Variants in PLCB3 observed in about 807,000 individuals in gnomAD.
PLCB3 encodes phospholipase C beta 3.
PLCB3 carries 54 observed loss-of-function variants against 152.1 expected under a neutral mutation model. The ratio of observed to expected loss-of-function variants is 0.36; its 90% CI spans 0.29 to 0.45. The LOEUF (loss-of-function observed/expected upper bound fraction) is 0.45, where lower values mean the gene tolerates loss of function less well. Ranked by LOEUF, PLCB3 falls within the 20% of genes least tolerant of loss-of-function variation. The pLI, the probability that PLCB3 is intolerant of heterozygous loss-of-function variation, is 1.00. For missense variants in PLCB3, 1,248 were observed against 1,687.5 expected (o/e 0.74, Z 4.56); for synonymous variants, 717 against 698.7 (o/e 1.03, Z -0.41).
rs1481967623 is a variant in PLCB3, at chr11:64,267,866, A to G, written c.*310A>G. 8.0e-6 allele frequency: 3 copies of G among 372,950 alleles called. No homozygotes were observed. Among genetic ancestry groups the G allele is most frequent in the Non-Finnish European group, 1.4e-5 (3 of 207,620 alleles). The allele number at this position is 372,950 out of a possible 1,614,324, so 23.1% of individuals were successfully genotyped here. The stretch of plus-strand genomic sequence containing the variant: ...TGGAGCTCCGGGAAGTAGGAGTCAC[A>G]TTTTTTTCTCTATTCTTTGGGGATT... On this transcript the variant is annotated 3_prime_UTR_variant, in exon 31 of 31. Coordinates refer to ENST00000279230, the MANE Select transcript of PLCB3 (RefSeq NM_000932.5). This position sits in a 1 kb window ranked among gnomAD's most constrained non-coding sequence, Gnocchi z 5.2.
chr11:64,255,652 C>A lies in PLCB3; in HGVS notation c.597+36C>A. ...TGGGGACAGGGGCGGGGTGGGGTGTCACGGTGGGCACCCACCCTTACGGGG... is the reference window on the plus strand; with the variant it reads ...TGGGGACAGGGGCGGGGTGGGGTGTAACGGTGGGCACCCACCCTTACGGGG... On this transcript the variant is annotated intron_variant, in intron 7 of 30. Transcript: ENST00000279230. The surrounding 1 kb of genome is among the most constrained non-coding windows in gnomAD (Gnocchi z 6.8). 1.2e-6 allele frequency: 2 copies of A among 1,603,624 alleles called. No individual in the cohort carries two copies. The highest frequency in any genetic ancestry group is 1.7e-6 in the Non-Finnish European group (2 of 1,173,108).
intron 21 of PLCB3, 57 bp from the exon 22 acceptor site, chr11:64,263,964 G>A: frequency 7.3e-7 from 1 of 1,364,422 alleles, no homozygotes; most frequent in Non-Finnish European, 1.0e-6. Flanking sequence ...AGAGGTGGCG[G>A]GTGGGGGTGG....
Position 64,265,192 on chromosome 11 carries a change from G to A in PLCB3, c.2807G>A (p.Gly936Glu). The change falls in exon 24 of 31, where the codon GGG (glycine) becomes GAG (glutamate). Residue 936 changes from glycine to glutamate, a missense_variant and splice_region_variant. Coordinates refer to ENST00000279230, the MANE Select transcript of PLCB3 (RefSeq NM_000932.5). ...TCCTCACAGGGCCTCTGCTCCCCAG[G>A]GCAGCGTGATGATCTCATCGCCAGC... is the stretch of plus-strand genomic sequence containing the variant. ...SPASTSLSSP[G>E]QRDDLIASIL... 1 of 1,596,212 alleles carries A rather than the reference G, an allele frequency of 6.3e-7. No individual in the cohort carries two copies. The highest frequency in any genetic ancestry group is 2.3e-5 in the East Asian group (1 of 44,306).
Position 64,255,643 on chromosome 11 carries a change from G to GGGGGGT in PLCB3, c.597+27_597+28insGGGGGT. ...TGTGTGGGGTGGGGACAGGGGCGGGGTGGGGTGTCACGGTGGGCACCCACC... is the reference window on the plus strand; with the variant it reads ...TGTGTGGGGTGGGGACAGGGGCGGGGGGGGGTTGGGGTGTCACGGTGGGCACCCACC... On this transcript the variant is annotated intron_variant, in intron 7 of 30. Transcript: ENST00000279230. The surrounding 1 kb of genome is among the most constrained non-coding windows in gnomAD (Gnocchi z 6.8). 1 of 1,584,780 alleles carries GGGGGGT rather than the reference G, an allele frequency of 6.3e-7. No homozygotes were observed. Among genetic ancestry groups the GGGGGGT allele is most frequent in the Non-Finnish European group, 8.7e-7 (1 of 1,155,098 alleles).
At position 64,251,536 on chromosome 11, in the gene PLCB3, G is replaced by T. The variant is rs1387936383; in HGVS notation, c.-114G>T. On this transcript the variant is annotated 5_prime_UTR_variant, in exon 1 of 31. Transcript: ENST00000279230. ...GCTCTGGTCGGTCCGGGACAGACTG[G>T]CGGGCGGGCGGGCACTGACGCCGCG... The T allele has an allele frequency of 1.0e-5, 2 of 191,136 alleles. No homozygotes were observed. The highest frequency in any genetic ancestry group is 1.8e-5 in the Non-Finnish European group (2 of 108,404). The allele number at this position is 191,136 out of a possible 1,614,324, so 11.8% of individuals were successfully genotyped here.
Position 64,262,402 on chromosome 11 carries a change from C to T in PLCB3, c.2039-5C>T, listed in dbSNP as rs2031897631. ...CCCCTGCTCGACGTGCCCGTGGCAC[C>T]CCAGATGTGGCGATGCAGCTCAACG... On this transcript the variant is annotated splice_polypyrimidine_tract_variant and splice_region_variant and intron_variant, in intron 17 of 30. Coordinates refer to ENST00000279230, the MANE Select transcript of PLCB3 (RefSeq NM_000932.5). 7 of 1,611,044 alleles carry T rather than the reference C, an allele frequency of 4.3e-6. No homozygotes were observed. The highest frequency in any genetic ancestry group is 5.1e-6 in the Non-Finnish European group (6 of 1,177,796).
At position 64,256,380 on chromosome 11, in the gene PLCB3, G is replaced by T; in HGVS notation, c.703G>T (p.Ala235Ser). 1 of 1,613,008 alleles carries T rather than the reference G, an allele frequency of 6.2e-7. No individual in the cohort carries two copies. The change falls in exon 9 of 31, where the codon GCC (alanine) becomes TCC (serine). Residue 235 changes from alanine (A) to serine (S), a missense_variant. Around this residue, in one of 6 missense-constraint regions of PLCB3, gnomAD observed 299 missense variants for 434.7 expected, o/e 0.69. Transcript: ENST00000279230. ...CCAGCTTCCTGTCCCCTCCAGAGGC[G>T]CCAAGGGCAAGCCATACCTGACGCT... ...DIDKILLEIG[A>S]KGKPYLTLEQ...
intron 8 of PLCB3, 124 bp from the exon 9 acceptor site, chr11:64,256,252 T>C: frequency 1.3e-6 from 1 of 775,362 alleles, no homozygotes; most frequent in Non-Finnish European, 2.1e-6. Context: ...TCACCCAGAG[T>C]CCCACTCACT....
At position 64,262,576 on chromosome 11, in the gene PLCB3, C is replaced by A; in HGVS notation, c.2193+15C>A. On this transcript the variant is annotated intron_variant, in intron 18 of 30. Coordinates refer to ENST00000279230, the MANE Select transcript of PLCB3 (RefSeq NM_000932.5). ...TGCGGGTCAAGGTGGGGCTTGCGGG[C>A]GGCTCAGGCCAGGGGTGTCCTGGGG... is the stretch of plus-strand genomic sequence containing the variant. 1 of 1,612,654 alleles carries A rather than the reference C, an allele frequency of 6.2e-7. No homozygotes were observed. Among genetic ancestry groups the A allele is most frequent in the Non-Finnish European group, 8.5e-7 (1 of 1,179,110 alleles).
rs1346108792 is a variant in PLCB3, at chr11:64,265,200, G to C, written c.2815G>C (p.Asp939His). 6.3e-7 allele frequency: 1 copy of C among 1,598,800 alleles called. No homozygotes were observed. Among genetic ancestry groups the C allele is most frequent in the Non-Finnish European group, 8.5e-7 (1 of 1,172,156 alleles). ...STSLSSPGQRDDLIASILSEV... is the reference protein window; with the variant it reads ...STSLSSPGQRHDLIASILSEV... Reference sequence around the variant, plus strand: ...GGGCCTCTGCTCCCCAGGGCAGCGTGATGATCTCATCGCCAGCATCCTCTC... The same window carrying C: ...GGGCCTCTGCTCCCCAGGGCAGCGTCATGATCTCATCGCCAGCATCCTCTC... The change falls in exon 24 of 31, where the codon GAT (aspartate) becomes CAT (histidine). Residue 939 changes from aspartate to histidine, a missense_variant. Coordinates refer to ENST00000279230, the MANE Select transcript of PLCB3 (RefSeq NM_000932.5).
chr11:64,262,729 G>C lies in PLCB3; in HGVS notation c.2276G>C (p.Arg759Pro). The change falls in exon 19 of 31, where the codon CGG becomes CCG. Residue 759 changes from arginine to proline, a missense_variant. This residue lies in a region of PLCB3 where 244 missense variants were observed against 424.4 expected (regional missense o/e 0.57). Transcript: ENST00000279230. ...ATGTTTGGCCTCCCTGTTGATACGC[G>C]GCGCAAGTACCGCACCCGGACCTCT... ...VDMFGLPVDT[R>P]RKYRTRTSQG... 1 of 1,613,868 alleles carries C rather than the reference G, an allele frequency of 6.2e-7. No individual in the cohort carries two copies. The highest frequency in any genetic ancestry group is 8.5e-7 in the Non-Finnish European group (1 of 1,180,014).
At position 64,251,601 on chromosome 11, in the gene PLCB3, C is replaced by A. The variant is rs112937873; in HGVS notation, c.-49C>A. ...CGCGCGGTGGGAGCAGCGGCGCCGT[C>A]GGTCCCCGTCAGGGCTCCGTGGGTC... On this transcript the variant is annotated 5_prime_UTR_variant, in exon 1 of 31. Coordinates refer to ENST00000279230, the MANE Select transcript of PLCB3 (RefSeq NM_000932.5). The A allele has an allele frequency of 5.3e-6, 5 of 937,618 alleles. No homozygotes were observed. Among genetic ancestry groups the A allele is most frequent in the Middle Eastern group, 3.9e-4 (1 of 2,566 alleles). 58.1% of individuals were successfully genotyped at this position (937,618 alleles called of 1,614,324 possible). A position where few individuals can be genotyped will look rare whatever the true frequency, so the allele number is the denominator to read the frequency against.
chr11:64,254,380 A>T (rs754465701), intron 1 of PLCB3, 35 bp from the exon 2 acceptor site: 1 of 1,578,458 alleles, frequency 6.3e-7, no homozygotes. Context: ...CACAGCCCTC[A>T]CTTCCTGACC....
rs754118757 is a variant in PLCB3 at position 64,258,463 on chromosome 11, G to T, written c.1013-10G>T. The T allele has an allele frequency of 6.2e-7, 1 of 1,610,110 alleles. No individual in the cohort carries two copies. The highest frequency in any genetic ancestry group is 2.2e-5 in the East Asian group (1 of 44,830). ...TGGGCGGCCTCGGTGACAGAGCCTCGCCGCCCCAGCGGGGCAGCTGGCTGG... is the reference window on the plus strand; with the variant it reads ...TGGGCGGCCTCGGTGACAGAGCCTCTCCGCCCCAGCGGGGCAGCTGGCTGG... On this transcript the variant is annotated splice_polypyrimidine_tract_variant and intron_variant, in intron 10 of 30. Transcript: ENST00000279230. This position sits in a 1 kb window ranked among gnomAD's most constrained non-coding sequence, Gnocchi z 7.2.
chr11:64,255,512 T>C lies in PLCB3; in HGVS notation c.522-29T>C, dbSNP rs2031476148. ...GACCTTGGTGACCTTTGTCCTCCACTGACCCTGAACCCCTCCTGCCCGCAT... is the reference window on the plus strand; with the variant it reads ...GACCTTGGTGACCTTTGTCCTCCACCGACCCTGAACCCCTCCTGCCCGCAT... On this transcript the variant is annotated intron_variant, in intron 6 of 30. Coordinates refer to ENST00000279230, the MANE Select transcript of PLCB3 (RefSeq NM_000932.5). The surrounding 1 kb of genome is among the most constrained non-coding windows in gnomAD (Gnocchi z 6.8). 1 of 1,613,872 alleles carries C rather than the reference T, an allele frequency of 6.2e-7. No individual in the cohort carries two copies. The highest frequency in any genetic ancestry group is 1.7e-5 in the Admixed American group (1 of 60,006).
Position 64,261,964 on chromosome 11 carries a change from G to A in PLCB3, c.1926G>A (p.Gln642=). The part of the protein sequence containing the change: ...SPMEFVEYNK[Q]QLSRIYPKGT... ...CCACCAATCTCAGATACAACAAGCA[G>A]CAGCTCAGCCGCATCTACCCCAAGG... Residue 642 remains glutamine, a synonymous_variant, in exon 17 of 31, where the codon CAG becomes CAA. Coordinates refer to ENST00000279230, the MANE Select transcript of PLCB3 (RefSeq NM_000932.5). 6.2e-7 allele frequency: 1 copy of A among 1,614,136 alleles called. No individual in the cohort carries two copies. Among genetic ancestry groups the A allele is most frequent in the Non-Finnish European group, 8.5e-7 (1 of 1,179,998 alleles).
intron 25 of PLCB3, 28 bp downstream of exon 25, chr11:64,265,530 T>C (rs1452464169): frequency 1.9e-6 from 3 of 1,577,724 alleles, no homozygotes; most frequent in Non-Finnish European, 2.6e-6. Context: ...CTGTGTGCTA[T>C]GTGTGCTGGG....
intron 16 of PLCB3, 54 bp downstream of exon 16, chr11:64,261,719 C>G: frequency 1.3e-6 from 2 of 1,529,810 alleles, no homozygotes; most frequent in Non-Finnish European, 1.8e-6. Flanking sequence ...GCTCGGAGGC[C>G]GGCTCCGGTG....
At chr11:64,256,291 G>A in intron 8 of PLCB3, 85 bp from the exon 9 acceptor site, 2 of 1,297,538 alleles carry the variant, frequency 1.5e-6, no homozygotes, top group Non-Finnish European at 2.1e-6. Context: ...CAGGCCTTCT[G>A]ACTCCCTTGC....
Sources: allele counts gnomAD v4.1 joint callset, GRCh38; gene constraint gnomAD v4.1.1; regional missense constraint gnomAD v4.1.1; non-coding constraint Gnocchi (gnomAD v3.1); transcripts MANE v1.5; gene names NCBI Gene and HGNC (gene_info 2026-07-23, HGNC 2026-07-21).